Variants in PROSER1 observed in about 807,000 individuals in gnomAD.
PROSER1 encodes proline and serine-rich protein 1.
Under a neutral mutation model 71.8 loss-of-function variants are expected in PROSER1, and 36 were observed. That is an observed-to-expected ratio of 0.50 (90% confidence interval 0.38 to 0.66). The LOEUF (loss-of-function observed/expected upper bound fraction) is 0.66. Ranked by LOEUF, PROSER1 falls within the 30% of genes least tolerant of loss-of-function variation. The pLI is 0.00. For missense variants in PROSER1, 1,107 were observed against 1,135.0 expected (o/e 0.98, Z 0.35); for synonymous variants, 490 against 452.4 (o/e 1.08, Z -1.06).
intron 1 of PROSER1, 151 bp from the exon 2 acceptor site, chr13:39,034,347 T>C (rs1870997103): frequency 3.8e-6 from 2 of 519,650 alleles, no homozygotes; most frequent in South Asian, 7.8e-5. Flanking sequence ...GTCACTGTGG[T>C]GAGAGGCCCT....
chr13:39,015,076 T>C (rs745837325), intron 10 of PROSER1, among the ~76,000 whole-genome samples: 17 of 152,114 alleles, frequency 1.1e-4, no homozygotes, highest in Non-Finnish European at 2.1e-4. Flanking sequence ...GGCAACTCCT[T>C]TAGGGGCAAA....
chr13:39,016,206 C>T (rs929206651), intron 10 of PROSER1, among the ~76,000 whole-genome samples: 2 of 152,158 alleles, frequency 1.3e-5, no homozygotes, highest in Non-Finnish European at 2.9e-5. Flanking sequence ...CAGCACTTTC[C>T]AGTCATCTAA....
rs568562636 is a variant in PROSER1 at position 39,028,732 on chromosome 13, T to G, written c.276-412A>C. Reference sequence around the variant, plus strand: ...TATGCATACAAAAAGGACTTAAAAATGTATGTGTTACAAATAAATAACTTA... The same window carrying G: ...TATGCATACAAAAAGGACTTAAAAAGGTATGTGTTACAAATAAATAACTTA... On this transcript the variant is annotated intron_variant, in intron 4 of 12. Transcript: ENST00000352251. 3.3e-5 allele frequency among the ~76,000 whole-genome samples: 5 copies of G among 152,280 alleles called. No individual in the cohort carries two copies. The South Asian group carries it at 1.0e-3, about 32-fold the overall frequency.
At chr13:39,014,588 T>G (rs1033676543) in intron 10 of PROSER1, 112 bp from the exon 11 acceptor site, 4 of 787,892 alleles carry the variant, frequency 5.1e-6, no homozygotes, top group Non-Finnish European at 7.9e-6. Context: ...AAATAAAAAA[T>G]GACAAGTATA....
chr13:39,013,242 T>A lies in PROSER1; in HGVS notation c.2010A>T (p.Leu670Phe). ...LSGLSSLSTPLNGSNPLSSIS... is the reference protein window; with the variant it reads ...LSGLSSLSTPFNGSNPLSSIS... The stretch of plus-strand genomic sequence containing the variant: ...TAGAGGAAAGAGGATTTGAACCATT[T>A]AAAGGAGTACTCAAGCTGGAGAGAC... Residue 670 changes from leucine to phenylalanine, a missense_variant, in exon 11 of 13, where the codon TTA becomes TTT. Transcript: ENST00000352251. 5 of 1,614,056 alleles carry A rather than the reference T, an allele frequency of 3.1e-6. No homozygotes were observed. Among genetic ancestry groups the A allele is most frequent in the Admixed American group, 1.7e-5 (1 of 60,018 alleles).
In PROSER1 at chr13:39,017,509, G is replaced by C; in HGVS notation, c.766C>G (p.Gln256Glu). ...EDLSNPSKPI[Q>E]NQTFSTPASQ... ...CAAATTTGCTACTTACTTTGATTCTGTATAGGTTTTGACGGATTCGAAAGG... is the reference window on the plus strand; with the variant it reads ...CAAATTTGCTACTTACTTTGATTCTCTATAGGTTTTGACGGATTCGAAAGG... Residue 256 changes from glutamine to glutamate, a missense_variant, in exon 10 of 13, where the codon CAG becomes GAG. By Grantham distance (29) the Gln-to-Glu change is conservative. Coordinates refer to ENST00000352251, the MANE Select transcript of PROSER1 (RefSeq NM_025138.5). 1 of 1,545,706 alleles carries C rather than the reference G, an allele frequency of 6.5e-7. No homozygotes were observed.
In PROSER1 at chr13:39,031,810, A is replaced by G. The variant is rs1432949706; in HGVS notation, c.112-179T>C. ...TTATATAGTTATATACATTTAAATA[A>G]CTTAAAGTCAAATAAAATGTAAAAA... On this transcript the variant is annotated intron_variant, in intron 2 of 12. Transcript: ENST00000352251. The G allele has an allele frequency of 1.1e-5, 6 of 528,384 alleles. No homozygotes were observed. The African/African-American group carries it at 1.2e-4, about 10-fold the overall frequency. 32.7% of individuals were successfully genotyped at this position (528,384 alleles called of 1,614,324 possible).
intron 9 of PROSER1, among the ~76,000 whole-genome samples, chr13:39,021,173 G>A (rs182697440): frequency 4.3e-4 from 65 of 152,146 alleles, no homozygotes; most frequent in African/African-American, 1.4e-3. Context: ...TGACAGGCAC[G>A]GGATACCCAA....
intron 8 of PROSER1, 60 bp downstream of exon 8, chr13:39,022,992 T>G: frequency 7.0e-7 from 1 of 1,423,036 alleles, no homozygotes; most frequent in Admixed American, 1.7e-5. Flanking sequence ...GCATTTACTT[T>G]CAATTTAATA....
chr13:39,013,080 T>C lies in PROSER1; in HGVS notation c.2172A>G (p.Ser724=). 1 of 1,614,100 alleles carries C rather than the reference T, an allele frequency of 6.2e-7. No homozygotes were observed. Among genetic ancestry groups the C allele is most frequent in the South Asian group, 1.1e-5 (1 of 91,070 alleles). The change falls in exon 11 of 13, where the codon TCA becomes TCG. Residue 724 remains serine, a synonymous_variant. Coordinates refer to ENST00000352251, the MANE Select transcript of PROSER1 (RefSeq NM_025138.5). ...SLNPSVSLPG[S]LIATSSTAAT... ...CAGCGGTAGATGAGGTGGCTATTAA[T>C]GACCCTGGGAGAGATACTGACGGAT...
intron 2 of PROSER1, 22 bp from the exon 3 acceptor site, chr13:39,031,653 C>G (rs370942957): frequency 6.3e-5 from 101 of 1,596,136 alleles, no homozygotes; most frequent in Non-Finnish European, 8.0e-5. Flanking sequence ...GAACTAACAG[C>G]TCTAATGACA....
At chr13:39,023,172 G>C (rs996469759) in intron 7 of PROSER1, 42 bp from the exon 8 acceptor site, 1 of 1,465,054 alleles carries the variant, frequency 6.8e-7, no homozygotes, top group African/African-American at 1.4e-5. Context: ...AGAAAATCAA[G>C]TAAGCTGTCT....
At chr13:39,030,508 G>A (rs1870786914) in intron 3 of PROSER1, among the ~76,000 whole-genome samples, 1 of 152,098 alleles carries the variant, frequency 6.6e-6, no homozygotes, top group Non-Finnish European at 1.5e-5. Flanking sequence ...ATAAAATAAA[G>A]CAAAGCCCTC....
intron 3 of PROSER1, among the ~76,000 whole-genome samples, chr13:39,031,245 TAA>T (rs1870827339): frequency 2.0e-5 from 3 of 152,220 alleles, no homozygotes; most frequent in Non-Finnish European, 4.4e-5. Flanking sequence ...ATAACTCTTC[TAA>T]GACTAAATAG....
chr13:39,020,350 A>G (rs1479155108), intron 9 of PROSER1, among the ~76,000 whole-genome samples: 3 of 152,026 alleles, frequency 2.0e-5, no homozygotes, highest in African/African-American at 7.2e-5. Flanking sequence ...TGAAATTACT[A>G]TATAGCTCTC....
chr13:39,032,301 T>C (rs1870884340), intron 2 of PROSER1, among the ~76,000 whole-genome samples: 1 of 151,906 alleles, frequency 6.6e-6, no homozygotes. Context: ...GAGCTCAGAG[T>C]GTGCAGCTCA....
At position 39,012,883 on chromosome 13, in the gene PROSER1, C is replaced by G. The variant is rs781402133; in HGVS notation, c.2369G>C (p.Gly790Ala). ...PLSSSNPSYP[G>A]FSVSNTPSVT... is the part of the protein sequence containing the mutation. ...GCTTGGGGTATTAGAGACAGAAAAG[C>G]CTGGATAGGAGGGATTTGAAGATGA... The change falls in exon 11 of 13, where the codon GGC (glycine) becomes GCC (alanine). Residue 790 changes from glycine (G) to alanine (A), a missense_variant. Gly to Ala is a moderately conservative substitution (Grantham distance 60). Coordinates refer to ENST00000352251, the MANE Select transcript of PROSER1 (RefSeq NM_025138.5). 1.9e-6 allele frequency: 3 copies of G among 1,613,908 alleles called. No homozygotes were observed. Among genetic ancestry groups the G allele is most frequent in the Admixed American group, 3.3e-5 (2 of 59,990 alleles).
Position 39,026,333 on chromosome 13 carries a change from T to C in PROSER1, c.424A>G (p.Ile142Val). Residue 142 changes from isoleucine (I) to valine (V), a missense_variant, in exon 6 of 13, where the codon ATC (isoleucine) becomes GTC (valine). Ile to Val is a conservative substitution (Grantham distance 29, BLOSUM62 3). Coordinates refer to ENST00000352251, the MANE Select transcript of PROSER1 (RefSeq NM_025138.5). The stretch of plus-strand genomic sequence containing the variant: ...CCTTTGGGATATGGATTTCCTGGGA[T>C]TGTTCCACAAGAAGATATCATAGCA... ...PHAMISSCGTIPGNPYPKGRP... is the reference protein window; with the variant it reads ...PHAMISSCGTVPGNPYPKGRP... 1 of 1,612,714 alleles carries C rather than the reference T, an allele frequency of 6.2e-7. No individual in the cohort carries two copies. Among genetic ancestry groups the C allele is most frequent in the Non-Finnish European group, 8.5e-7 (1 of 1,179,622 alleles).
At chr13:39,023,275 G>T in intron 7 of PROSER1, 145 bp from the exon 8 acceptor site, 2 of 575,114 alleles carry the variant, frequency 3.5e-6, no homozygotes, top group Non-Finnish European at 6.2e-6. Flanking sequence ...AACAAATGAG[G>T]GAAATTTCTT....
Sources: gnomAD v4.1 joint callset for allele counts (sites outside exome capture counted in the v4.1 genomes callset) on GRCh38, gnomAD v4.1.1 for gene constraint, MANE v1.5 for transcripts, NCBI Gene and HGNC (gene_info 2026-07-23, HGNC 2026-07-21) for gene names.